DSTN: variants seen among roughly 807,000 people sequenced by gnomAD.
DSTN encodes the protein destrin, actin depolymerizing factor.
DSTN carries 10 observed loss-of-function variants against 16.8 expected under a neutral mutation model. The observed-to-expected ratio is 0.60, with a 90% confidence interval of 0.37 to 1.01. The LOEUF (loss-of-function observed/expected upper bound fraction) is 1.01, where lower values mean the gene tolerates loss of function less well. Among genes scored for constraint, DSTN ranks in the 50% least tolerant of loss-of-function variants. DSTN has a pLI of 0.01. For synonymous variants in DSTN, 57 were observed against 58.9 expected (o/e 0.97, Z 0.14); for missense variants, 141 against 196.7 (o/e 0.72, Z 1.69).
At chr20:17,589,834 G>GTCTGC (rs931608417) in intron 1 of DSTN, among the ~76,000 whole-genome samples, 1 of 152,172 alleles carries the variant, frequency 6.6e-6, no homozygotes, top group Non-Finnish European at 1.5e-5. Context: ...TTGAGTATTT[G>GTCTGC]TCTGCAGTAT....
At chr20:17,600,277 CT>C (rs564268453) in intron 1 of DSTN, among the ~76,000 whole-genome samples, 8 of 151,512 alleles carry the variant, frequency 5.3e-5, no homozygotes, top group Non-Finnish European at 8.8e-5. Context: ...CTTAATAAAT[CT>C]TTTTTTTTAT....
rs780952274 is a variant in DSTN, at chr20:17,609,209, G to A, written c.*2063G>A. On this transcript the variant is annotated 3_prime_UTR_variant, in exon 4 of 4. Coordinates refer to ENST00000246069, the MANE Select transcript of DSTN (RefSeq NM_006870.4). ...ACTTTGTAGCAATGCTTTTAGTGTG[G>A]GTTTTGTTTTTTGAGACAGGGTCTC... The A allele has an allele frequency of 6.6e-6, 1 of 152,082 alleles. No individual in the cohort carries two copies. Among genetic ancestry groups the A allele is most frequent in the Non-Finnish European group, 1.5e-5 (1 of 68,002 alleles). 9.4% of individuals were successfully genotyped at this position (152,082 alleles called of 1,614,324 possible).
intron 1 of DSTN, among the ~76,000 whole-genome samples, chr20:17,590,787 A>G (rs558710643): frequency 1.2e-4 from 19 of 152,360 alleles, no homozygotes; most frequent in Admixed American, 7.8e-4. Flanking sequence ...CAAATGAGCA[A>G]TTAAATCTAA....
chr20:17,599,601 T>C (rs945717782), intron 1 of DSTN: 3 of 152,282 alleles, frequency 2.0e-5, no homozygotes, highest in African/African-American at 7.2e-5. Flanking sequence ...AGGAGAACAG[T>C]CGCAGTTGGT....
chr20:17,571,823 A>T (rs2122152492), intron 1 of DSTN, among the ~76,000 whole-genome samples: 1 of 152,322 alleles, frequency 6.6e-6, no homozygotes, highest in African/African-American at 2.4e-5. Flanking sequence ...TCAAGGAAGG[A>T]AGGGTCTGTT....
chr20:17,577,772 T>C (rs370436812), intron 1 of DSTN, among the ~76,000 whole-genome samples: 22 of 152,218 alleles, frequency 1.4e-4, no homozygotes, highest in Admixed American at 7.8e-4. Flanking sequence ...GTATATATTT[T>C]ACACTGAAAG....
At chr20:17,595,936 T>A (rs1282107644) in intron 1 of DSTN, among the ~76,000 whole-genome samples, 1 of 152,206 alleles carries the variant, frequency 6.6e-6, no homozygotes, top group Non-Finnish European at 1.5e-5. Flanking sequence ...AATCTTCCCT[T>A]TTTTCTTCAT....
chr20:17,591,708 A>ATC (rs1193075028), intron 1 of DSTN, among the ~76,000 whole-genome samples: 1 of 152,218 alleles, frequency 6.6e-6, no homozygotes, highest in East Asian at 1.9e-4. Context: ...GAGTTAGATA[A>ATC]TAACTGATCT....
intron 1 of DSTN, among the ~76,000 whole-genome samples, chr20:17,590,431 C>A (rs538334004): frequency 6.6e-6 from 1 of 152,090 alleles, no homozygotes; most frequent in African/African-American, 2.4e-5. Context: ...GGTAGTCAAG[C>A]GAGATAAAAT....
chr20:17,584,103 A>G (rs73258660), intron 1 of DSTN, among the ~76,000 whole-genome samples: 9,154 of 152,150 alleles, frequency 0.06, 416 homozygotes, highest in East Asian at 0.12. Flanking sequence ...TGGATGCACA[A>G]CTTTGTGACT....
At chr20:17,583,456 G>GGATA (rs1409871278) in intron 1 of DSTN, among the ~76,000 whole-genome samples, 1 of 152,106 alleles carries the variant, frequency 6.6e-6, no homozygotes, top group Non-Finnish European at 1.5e-5. Context: ...ATCAGTTGAT[G>GGATA]GATAGATGGA....
rs1011830253 is a variant in DSTN, at chr20:17,607,203, T to C, written c.*57T>C. The C allele has an allele frequency of 6.5e-7, 1 of 1,528,812 alleles. No individual in the cohort carries two copies. The highest frequency in any genetic ancestry group is 9.0e-7 in the Non-Finnish European group (1 of 1,115,904). The allele number at this position is 1,528,812 out of a possible 1,614,324, so 94.7% of individuals were successfully genotyped here. ...TGTTTAATGTTATCCTCTTGCTATATAAATAAAGCAAATATATTTAGGCCA... is the reference window on the plus strand; with the variant it reads ...TGTTTAATGTTATCCTCTTGCTATACAAATAAAGCAAATATATTTAGGCCA... On this transcript the variant is annotated 3_prime_UTR_variant, in exon 4 of 4. Coordinates refer to ENST00000246069, the MANE Select transcript of DSTN (RefSeq NM_006870.4).
At chr20:17,573,969 G>A (rs955557690) in intron 1 of DSTN, among the ~76,000 whole-genome samples, 1 of 151,144 alleles carries the variant, frequency 6.6e-6, no homozygotes, top group Admixed American at 6.6e-5. Flanking sequence ...GGAGGTTGAG[G>A]CAGGAGGATT....
intron 1 of DSTN, among the ~76,000 whole-genome samples, chr20:17,571,209 ACT>A (rs1287702644): frequency 2.6e-5 from 4 of 152,338 alleles, no homozygotes; most frequent in African/African-American, 9.6e-5. Flanking sequence ...GTGTGCACAC[ACT>A]GTTACCATTT....
rs35327345 is a variant in DSTN, at chr20:17,592,429, CAA to C, written c.4-8291_4-8290del. Among the ~76,000 whole-genome samples the C allele has an allele frequency of 2.0e-3, 221 of 109,474 alleles. 1 individual carries two copies. The highest frequency in any genetic ancestry group is 6.9e-3 in the South Asian group (24 of 3,460). 71.8% of individuals were successfully genotyped at this position (109,474 alleles called of 152,430 possible). A position where few individuals can be genotyped will look rare whatever the true frequency, so the allele number is the denominator to read the frequency against. ...TGGATGACACAGAGAGACCTTGTCT[CAA>C]AAAAAAAAAAAAAAAAATCTCGGAA... On this transcript the variant is annotated intron_variant, in intron 1 of 3. Coordinates refer to ENST00000246069, the MANE Select transcript of DSTN (RefSeq NM_006870.4).
intron 2 of DSTN, among the ~76,000 whole-genome samples, chr20:17,602,629 GC>G (rs575758102): frequency 7.9e-4 from 120 of 152,244 alleles, no homozygotes; most frequent in African/African-American, 2.8e-3. Flanking sequence ...AACAAGCTCC[GC>G]CCATGGCCCA....
intron 1 of DSTN, among the ~76,000 whole-genome samples, chr20:17,595,789 A>G (rs1217307519): frequency 6.6e-6 from 1 of 152,152 alleles, no homozygotes; most frequent in Non-Finnish European, 1.5e-5. Flanking sequence ...AGAAGTGTCT[A>G]GCAATAGTAA....
rs370578304 is a variant in DSTN, at chr20:17,607,656, T to C, written c.*510T>C. On this transcript the variant is annotated 3_prime_UTR_variant, in exon 4 of 4. Coordinates refer to ENST00000246069, the MANE Select transcript of DSTN (RefSeq NM_006870.4). ...AGGCAGTCTTCTACCAAATGTGTAA[T>C]GGAGATTGCCTCAAAATTGTGTCCA... 1 of 152,418 alleles carries C rather than the reference T, an allele frequency of 6.6e-6. No individual in the cohort carries two copies. Among genetic ancestry groups the C allele is most frequent in the African/African-American group, 2.4e-5 (1 of 41,468 alleles). 9.4% of individuals were successfully genotyped at this position (152,418 alleles called of 1,614,324 possible).
At chr20:17,570,311 G>C in intron 1 of DSTN, 100 bp downstream of exon 1, 1 of 1,343,410 alleles carries the variant, frequency 7.4e-7, no homozygotes, top group Non-Finnish European at 9.6e-7. Flanking sequence ...CCGTGCCTCA[G>C]CCCGGGGAGG....
Sources: gnomAD v4.1 joint callset for allele counts (sites outside exome capture counted in the v4.1 genomes callset) on GRCh38, gnomAD v4.1.1 for gene constraint, MANE v1.5 for transcripts, NCBI Gene and HGNC (gene_info 2026-07-23, HGNC 2026-07-21) for gene names.